RASSF8: variants seen among roughly 807,000 people sequenced by gnomAD.
RASSF8 encodes Ras association domain family member 8.
A neutral mutation model predicts 48.5 loss-of-function variants in RASSF8; 22 were observed. That is an observed-to-expected ratio of 0.45 (90% CI 0.32 to 0.65). The LOEUF is 0.65. RASSF8 is among the 30% of genes least tolerant of loss of function. The probability of loss-of-function intolerance (pLI) is 0.03; values close to 1 mark genes in which losing one functional copy is unlikely to be tolerated. For missense variants in RASSF8, 418 were observed against 489.2 expected, an observed-to-expected ratio of 0.85 and a Z score of 1.37; for synonymous variants, 127 against 171.5, an observed-to-expected ratio of 0.74 and a Z score of 2.03.
At chr12:25,966,307 C>T (rs964695289) in intron 1 of RASSF8, among the ~76,000 whole-genome samples, 9 of 152,048 alleles carry the variant, frequency 5.9e-5, no homozygotes, top group African/African-American at 1.9e-4. Flanking sequence ...GGCTGGAGTA[C>T]AGTAGTACAG....
chr12:26,049,272 A>G (rs1397798452), intron 2 of RASSF8, among the ~76,000 whole-genome samples: 1 of 152,236 alleles, frequency 6.6e-6, no homozygotes, highest in Non-Finnish European at 1.5e-5. Flanking sequence ...CTAGTAAATT[A>G]GATTAGTAAG....
At position 26,067,564 on chromosome 12, in the gene RASSF8, T is replaced by C. The variant is rs1181782443; in HGVS notation, c.994-5T>C. On this transcript the variant is annotated splice_region_variant and splice_polypyrimidine_tract_variant and intron_variant, in intron 4 of 5. Transcript: ENST00000689635. ...AAATTTAAAAAAATAATAATTTCCA[T>C]CTAGGACAAAGAACAGGAACTGGAG... The C allele has an allele frequency of 1.2e-6, 2 of 1,609,628 alleles. No individual in the cohort carries two copies. Among genetic ancestry groups the C allele is most frequent in the African/African-American group, 2.7e-5 (2 of 74,616 alleles).
At chr12:26,016,437 G>A (rs1942652130) in intron 2 of RASSF8, among the ~76,000 whole-genome samples, 2 of 151,886 alleles carry the variant, frequency 1.3e-5, no homozygotes, top group Admixed American at 1.3e-4. Flanking sequence ...TTTTCTTGCC[G>A]TGTTACCTTA....
At position 25,998,967 on chromosome 12, in the gene RASSF8, AT is replaced by A. The variant is rs546766842; in HGVS notation, c.-109+3846del. The stretch of plus-strand genomic sequence containing the variant: ...TAATATTTTATGGGAAGTATCTATA[AT>A]TTTTTTTTCTAGTCAGTATATAATT... On this transcript the variant is annotated intron_variant, in intron 2 of 5. Coordinates refer to ENST00000689635, the MANE Select transcript of RASSF8 (RefSeq NM_001394098.1). Among the ~76,000 whole-genome samples the A allele has an allele frequency of 7.0e-3, 1,059 of 151,914 alleles. 15 individuals carry two copies. The highest frequency in any genetic ancestry group is 0.024 in the African/African-American group (1,013 of 41,446).
At chr12:26,014,248 A>G (rs1592267301) in intron 2 of RASSF8, among the ~76,000 whole-genome samples, 1 of 152,334 alleles carries the variant, frequency 6.6e-6, no homozygotes, top group East Asian at 1.9e-4. Flanking sequence ...TCCTATGCCC[A>G]TGGCAGACAT....
chr12:25,995,842 C>T (rs2136962103), intron 2 of RASSF8, among the ~76,000 whole-genome samples: 1 of 152,284 alleles, frequency 6.6e-6, no homozygotes, highest in Non-Finnish European at 1.5e-5. Context: ...TCACACTTTA[C>T]AGGTAAATAA....
At chr12:26,055,726 G>T (rs1018394905) in intron 3 of RASSF8, among the ~76,000 whole-genome samples, 5 of 152,132 alleles carry the variant, frequency 3.3e-5, no homozygotes, top group Admixed American at 2.6e-4. Flanking sequence ...AACTAAAGAT[G>T]TTTCCATGAG....
chr12:26,075,978 A>G (rs2137355686), downstream of RASSF8, among the ~76,000 whole-genome samples: 1 of 152,270 alleles, frequency 6.6e-6, no homozygotes, highest in Middle Eastern at 3.4e-3. Flanking sequence ...TGAGGGCCAC[A>G]CCATCCCAGC....
At chr12:26,016,478 G>T (rs1227151740) in intron 2 of RASSF8, among the ~76,000 whole-genome samples, 4 of 152,114 alleles carry the variant, frequency 2.6e-5, no homozygotes, top group Admixed American at 6.5e-5. Context: ...TGTTCTGGAA[G>T]TTCACAATTT....
intron 2 of RASSF8, among the ~76,000 whole-genome samples, chr12:26,009,814 G>C (rs1176105596): frequency 6.6e-6 from 1 of 152,200 alleles, no homozygotes; most frequent in Non-Finnish European, 1.5e-5. Context: ...AGGGGCAAAA[G>C]CATGGCAGGA....
intron 4 of RASSF8, 71 bp from the exon 5 acceptor site, chr12:26,067,498 T>A (rs757001237): frequency 4.9e-6 from 7 of 1,438,540 alleles, no homozygotes; most frequent in Non-Finnish European, 6.6e-6. Flanking sequence ...AGCAGATGGA[T>A]CCTCACAAAG....
intron 2 of RASSF8, among the ~76,000 whole-genome samples, chr12:26,050,075 G>A (rs1256829217): frequency 6.6e-6 from 1 of 152,162 alleles, no homozygotes; most frequent in Non-Finnish European, 1.5e-5. Flanking sequence ...GAGCCACCAC[G>A]CCCAGCCAAA....
chr12:26,025,880 A>G (rs996298142), intron 2 of RASSF8, among the ~76,000 whole-genome samples: 5 of 152,098 alleles, frequency 3.3e-5, no homozygotes, highest in Non-Finnish European at 4.4e-5. Flanking sequence ...GTTGAAAGAA[A>G]TTAAAGACCA....
intron 2 of RASSF8, among the ~76,000 whole-genome samples, chr12:26,046,599 G>A (rs189482564): frequency 6.6e-6 from 1 of 152,104 alleles, no homozygotes; most frequent in Admixed American, 6.5e-5. Context: ...CACTTTGGGA[G>A]ATCGAGGTAG....
chr12:26,000,040 T>C (rs959340124), intron 2 of RASSF8, among the ~76,000 whole-genome samples: 3 of 152,242 alleles, frequency 2.0e-5, no homozygotes, highest in African/African-American at 4.8e-5. Flanking sequence ...ATCTCAGGAA[T>C]TTCTCATAGA....
In RASSF8 at chr12:26,069,098, T is replaced by C. The variant is rs1429810340; in HGVS notation, c.*280T>C. 1 of 1,069,640 alleles carries C rather than the reference T, an allele frequency of 9.3e-7. No individual in the cohort carries two copies. Among genetic ancestry groups the C allele is most frequent in the Non-Finnish European group, 1.1e-6 (1 of 882,430 alleles). The allele number at this position is 1,069,640 out of a possible 1,614,324, so 66.3% of individuals were successfully genotyped here. ...GCATTTTGAGAGCTTTAGGAAAGTA[T>C]TATATAGTGTGTATACATAAATAAG... On this transcript the variant is annotated 3_prime_UTR_variant, in exon 6 of 6. Coordinates refer to ENST00000689635, the MANE Select transcript of RASSF8 (RefSeq NM_001394098.1).
intron 2 of RASSF8, among the ~76,000 whole-genome samples, chr12:26,027,407 C>T (rs1247191292): frequency 6.6e-6 from 1 of 152,114 alleles, no homozygotes; most frequent in African/African-American, 2.4e-5. Context: ...GATAATTCAC[C>T]ATGGGTATGA....
chr12:26,013,792 TC>T (rs1942583526), intron 2 of RASSF8, among the ~76,000 whole-genome samples: 1 of 152,258 alleles, frequency 6.6e-6, no homozygotes, highest in African/African-American at 2.4e-5. Flanking sequence ...GATAAAAAAA[TC>T]CTTTTTCCTT....
At chr12:26,033,945 T>C (rs1311172975) in intron 2 of RASSF8, among the ~76,000 whole-genome samples, 1 of 151,966 alleles carries the variant, frequency 6.6e-6, no homozygotes, top group Non-Finnish European at 1.5e-5. Flanking sequence ...TTATTCTGAG[T>C]CGTTGTATGT....
Sources: gnomAD v4.1 joint callset for allele counts (sites outside exome capture counted in the v4.1 genomes callset) on GRCh38, gnomAD v4.1.1 for gene constraint, MANE v1.5 for transcripts, NCBI Gene and HGNC (gene_info 2026-07-23, HGNC 2026-07-21) for gene names.